GRM5: variants seen among roughly 807,000 people sequenced by gnomAD.
The protein encoded by GRM5 is metabotropic glutamate receptor 5.
In GRM5, 19 loss-of-function variants were observed where a neutral mutation model predicts 83.1. The ratio of observed to expected loss-of-function variants is 0.23; its 90% CI spans 0.16 to 0.34. GRM5 has a LOEUF of 0.34. Ranked by LOEUF, GRM5 falls within the 10% of genes least tolerant of loss-of-function variation. The pLI, the probability that GRM5 is intolerant of heterozygous loss-of-function variation, is 1.00. For missense variants in GRM5, 1,160 were observed against 1,588.3 expected (o/e 0.73, Z 4.58); for synonymous variants, 675 against 633.6 (o/e 1.07, Z -0.98).
chr11:88,765,950 G>C (rs367702776), intron 3 of GRM5, among the ~76,000 whole-genome samples: 2 of 151,628 alleles, frequency 1.3e-5, no homozygotes, highest in South Asian at 2.1e-4. Context: ...ATATATAAGG[G>C]ACTTATATCC....
rs920114251 is a variant in GRM5, at chr11:88,765,740, GA to G, written c.911+84165del. Among the ~76,000 whole-genome samples, 7 of 150,338 alleles carry G rather than the reference GA, an allele frequency of 4.7e-5. No homozygotes were observed. In the East Asian group the frequency reaches 5.8e-4, roughly 13 times the overall value. On this transcript the variant is annotated intron_variant, in intron 3 of 9. Transcript: ENST00000305447. ...TAATTCTTAAATTATACAACTCAAA[GA>G]AAAAAAAACTTAATGAAAATGCTTC...
intron 9 of GRM5, among the ~76,000 whole-genome samples, chr11:88,510,528 G>GT (rs1202981847): frequency 1.3e-5 from 2 of 151,816 alleles, no homozygotes; most frequent in Admixed American, 6.6e-5. Context: ...TTTATTTTTT[G>GT]TTTTTTAGAC....
chr11:88,750,025 C>T (rs1436952051), intron 3 of GRM5, among the ~76,000 whole-genome samples: 2 of 151,992 alleles, frequency 1.3e-5, no homozygotes, highest in Admixed American at 6.6e-5. Context: ...AGGAACCACA[C>T]AAACAAGTCT....
intron 3 of GRM5, among the ~76,000 whole-genome samples, chr11:88,802,730 A>C (rs1278133920): frequency 6.6e-6 from 1 of 150,986 alleles, no homozygotes; most frequent in African/African-American, 2.5e-5. Flanking sequence ...AATTAGGAAA[A>C]GAGGAAGTCA....
chr11:88,837,635 G>C (rs560102072), intron 3 of GRM5, among the ~76,000 whole-genome samples: 85 of 152,216 alleles, frequency 5.6e-4, no homozygotes, highest in African/African-American at 2.0e-3. Flanking sequence ...TCAAAGTCCT[G>C]GGTTGGTTTC....
At chr11:88,683,030 C>T (rs1940533164) in intron 3 of GRM5, among the ~76,000 whole-genome samples, 1 of 151,726 alleles carries the variant, frequency 6.6e-6, no homozygotes. Context: ...TAGTTAATTT[C>T]TTAACTCATA....
chr11:88,983,891 G>A (rs1031886831), intron 2 of GRM5, among the ~76,000 whole-genome samples: 7 of 151,958 alleles, frequency 4.6e-5, no homozygotes, highest in African/African-American at 9.7e-5. Context: ...TTTGTAGACC[G>A]AAGCTAATGT....
At chr11:88,590,752 A>T (rs1565351254) in intron 6 of GRM5, 25 bp from the exon 7 acceptor site, 2 of 1,586,370 alleles carry the variant, frequency 1.3e-6, no homozygotes, top group Non-Finnish European at 8.6e-7. Context: ...TGAAATTTAG[A>T]TTTTTTTTTG....
chr11:89,013,218 T>G, intron 2 of GRM5, among the ~76,000 whole-genome samples: 1 of 152,212 alleles, frequency 6.6e-6, no homozygotes, highest in Non-Finnish European at 1.5e-5. Context: ...GCTAAGCATA[T>G]GTGTTATTTT....
At chr11:89,060,733 C>G (rs968990899) in intron 1 of GRM5, among the ~76,000 whole-genome samples, 1 of 152,072 alleles carries the variant, frequency 6.6e-6, no homozygotes, top group African/African-American at 2.4e-5. Flanking sequence ...TGAAAGCAAA[C>G]CTATGCCTTA....
rs1439916558 is a variant in GRM5 at position 88,509,363 on chromosome 11, C to G, written c.2868G>C (p.Thr956=). The G allele has an allele frequency of 1.9e-6, 3 of 1,611,708 alleles. 1 individual carries two copies. In the South Asian group the frequency reaches 3.3e-5, roughly 18 times the overall value. ...CGCCAGCGCCCAGGCCACGGCTCTC[C>G]GTGCTCTTGGGGAAGGGCTTGATGA... ...TAVIKPFPKS[T]ESRGLGAGAG... The change falls in exon 10 of 10, where the codon ACG becomes ACC. Residue 956 remains threonine, a synonymous_variant. Transcript: ENST00000305447.
intron 2 of GRM5, among the ~76,000 whole-genome samples, chr11:88,936,754 A>G (rs1937910364): frequency 6.6e-6 from 1 of 151,874 alleles, no homozygotes. Flanking sequence ...TTATTCATAA[A>G]CAAACACCAA....
intron 4 of GRM5, among the ~76,000 whole-genome samples, chr11:88,646,060 T>A (rs1217251573): frequency 6.6e-6 from 1 of 152,026 alleles, no homozygotes; most frequent in Non-Finnish European, 1.5e-5. Flanking sequence ...TTAGGAAATT[T>A]AGGTGAAAAT....
intron 2 of GRM5, among the ~76,000 whole-genome samples, chr11:89,033,853 A>G (rs1021958011): frequency 1.3e-5 from 2 of 151,918 alleles, no homozygotes; most frequent in Admixed American, 6.6e-5. Flanking sequence ...GTAAAAAGCT[A>G]AGACTCAGAA....
At chr11:88,808,062 C>T (rs1336458801) in intron 3 of GRM5, among the ~76,000 whole-genome samples, 1 of 151,810 alleles carries the variant, frequency 6.6e-6, no homozygotes, top group Non-Finnish European at 1.5e-5. Context: ...TTACTGATTA[C>T]TATATAATAT....
chr11:88,973,987 G>A (rs1284470230), intron 2 of GRM5, among the ~76,000 whole-genome samples: 1 of 152,116 alleles, frequency 6.6e-6, no homozygotes, highest in Non-Finnish European at 1.5e-5. Flanking sequence ...ACTTTCTAGA[G>A]GGATTCAGAC....
At chr11:88,528,207 C>A (rs1591325371) in intron 8 of GRM5, among the ~76,000 whole-genome samples, 1 of 151,970 alleles carries the variant, frequency 6.6e-6, no homozygotes. Flanking sequence ...TAACAAAACT[C>A]ATTTTAAAAA....
At chr11:89,001,060 C>A (rs1940360044) in intron 2 of GRM5, among the ~76,000 whole-genome samples, 1 of 151,840 alleles carries the variant, frequency 6.6e-6, no homozygotes, top group South Asian at 2.1e-4. Context: ...ATAAATAAAA[C>A]CACCACCAGT....
rs59388840 is a variant in GRM5, at chr11:88,838,868, TACACACAC to T, written c.911+11030_911+11037del. Among the ~76,000 whole-genome samples the T allele has an allele frequency of 2.2e-3, 313 of 144,832 alleles. 3 individuals are homozygous for T. Among genetic ancestry groups the T allele is most frequent in the Middle Eastern group, 7.1e-3 (2 of 282 alleles). ...CAACCCACTGCCACACCCCTTATGCTACACACACACACACACACACACACACACACACA... is the reference window on the plus strand; with the variant it reads ...CAACCCACTGCCACACCCCTTATGCTACACACACACACACACACACACACA... On this transcript the variant is annotated intron_variant, in intron 3 of 9. Transcript: ENST00000305447.
Sources: gnomAD v4.1 joint callset for allele counts (sites outside exome capture counted in the v4.1 genomes callset) on GRCh38, gnomAD v4.1.1 for gene constraint, MANE v1.5 for transcripts, NCBI Gene and HGNC (gene_info 2026-07-23, HGNC 2026-07-21) for gene names.